ZNF385D: variants seen among roughly 807,000 people sequenced by gnomAD.
ZNF385D encodes zinc finger protein 385D, also known as zinc finger protein 659.
Under a neutral mutation model 35.8 loss-of-function variants are expected in ZNF385D, and 15 were observed. The ratio of observed to expected loss-of-function variants is 0.42; its 90% confidence interval spans 0.28 to 0.64. The LOEUF is 0.64. ZNF385D is among the 30% of genes least tolerant of loss of function. The pLI is 0.23. For synonymous variants in ZNF385D, 212 were observed against 186.8 expected (o/e 1.13, Z -1.10); for missense variants, 474 against 494.6 (o/e 0.96, Z 0.39).
chr3:21,868,909 C>G (rs1002085141), intron 3 of ZNF385D, among the ~76,000 whole-genome samples: 4 of 152,016 alleles, frequency 2.6e-5, no homozygotes, highest in Non-Finnish European at 5.9e-5. Flanking sequence ...CTGAATTAGA[C>G]CCTATTTTCA....
intron 2 of ZNF385D, among the ~76,000 whole-genome samples, chr3:22,366,135 T>G (rs1696646832): frequency 6.6e-6 from 1 of 152,110 alleles, no homozygotes; most frequent in South Asian, 2.1e-4. Context: ...AATTTGGCCC[T>G]TCCTGGCTGT....
chr3:21,924,775 T>C (rs1004455840), intron 3 of ZNF385D, among the ~76,000 whole-genome samples: 3 of 152,036 alleles, frequency 2.0e-5, no homozygotes, highest in East Asian at 1.9e-4. Flanking sequence ...TAGAGAGGCA[T>C]AGTAAGGAGC....
intron 2 of ZNF385D, among the ~76,000 whole-genome samples, chr3:22,192,579 G>C (rs1696132406): frequency 1.3e-5 from 2 of 152,158 alleles, no homozygotes; most frequent in African/African-American, 4.8e-5. Context: ...CAAGCCATGT[G>C]TGTGAACTAC....
At chr3:21,935,502 C>A (rs574896118) in intron 3 of ZNF385D, among the ~76,000 whole-genome samples, 1 of 152,144 alleles carries the variant, frequency 6.6e-6, no homozygotes, top group East Asian at 1.9e-4. Flanking sequence ...AAGTCACATG[C>A]TACAGCCTCA....
intron 3 of ZNF385D, chr3:21,511,556 C>G: frequency 2.6e-6 from 1 of 385,230 alleles, no homozygotes; most frequent in Non-Finnish European, 5.1e-6. Flanking sequence ...AGCAAATGCA[C>G]TTCTTAAGTT....
intron 3 of ZNF385D, among the ~76,000 whole-genome samples, chr3:22,136,883 C>T (rs779001147): frequency 6.6e-6 from 1 of 151,894 alleles, no homozygotes; most frequent in Non-Finnish European, 1.5e-5. Context: ...ACGGAAAAGG[C>T]AAAACTATGA....
intron 3 of ZNF385D, among the ~76,000 whole-genome samples, chr3:21,844,800 G>T (rs1021004071): frequency 1.3e-5 from 2 of 151,858 alleles, no homozygotes; most frequent in African/African-American, 4.8e-5. Context: ...GCAAAAAAAT[G>T]ATCAATTTTA....
At chr3:22,342,718 G>A (rs1695480618) in intron 2 of ZNF385D, among the ~76,000 whole-genome samples, 1 of 152,164 alleles carries the variant, frequency 6.6e-6, no homozygotes, top group Non-Finnish European at 1.5e-5. Flanking sequence ...TCCATGAATT[G>A]CTAGAACACC....
intron 3 of ZNF385D, among the ~76,000 whole-genome samples, chr3:22,113,615 C>T (rs928817669): frequency 2.0e-5 from 3 of 152,064 alleles, no homozygotes; most frequent in Admixed American, 6.6e-5. Context: ...CAATGAGCAG[C>T]ACAGCAACCG....
intron 2 of ZNF385D, among the ~76,000 whole-genome samples, chr3:22,219,421 G>A (rs73145067): frequency 0.022 from 3,388 of 152,186 alleles, 139 homozygotes; most frequent in African/African-American, 0.077. Context: ...GTTAATCACT[G>A]ATCATTGTGC....
At chr3:21,432,903 A>G (rs341852) in intron 5 of ZNF385D, among the ~76,000 whole-genome samples, 95,712 of 151,924 alleles carry the variant, frequency 0.63, 32,667 homozygotes, top group Non-Finnish European at 0.77. Flanking sequence ...GTGAAAAATC[A>G]AAGGGAAAGC....
At chr3:21,901,311 T>C (rs62236545) in intron 3 of ZNF385D, among the ~76,000 whole-genome samples, 31,105 of 152,166 alleles carry the variant, frequency 0.2, 3,246 homozygotes, top group Middle Eastern at 0.3. Flanking sequence ...GCCTAAACTT[T>C]GGTTTACAGT....
chr3:21,500,565 T>A (rs963092465), intron 4 of ZNF385D, among the ~76,000 whole-genome samples: 2 of 152,226 alleles, frequency 1.3e-5, no homozygotes, highest in African/African-American at 4.8e-5. Context: ...GCACACAACA[T>A]GTGCATTCTT....
At chr3:21,753,705 CT>C (rs1422225525), upstream of ZNF385D, among the ~76,000 whole-genome samples, 1 of 152,014 alleles carries the variant, frequency 6.6e-6, no homozygotes, top group Non-Finnish European at 1.5e-5. Flanking sequence ...ATACTTTTTC[CT>C]GTTTTACATA....
chr3:22,175,115 GAT>G (rs1694731775), intron 2 of ZNF385D, among the ~76,000 whole-genome samples: 1 of 151,672 alleles, frequency 6.6e-6, no homozygotes, highest in Non-Finnish European at 1.5e-5. Context: ...TAATTTGTAT[GAT>G]ATATACAAAT....
chr3:21,912,639 A>G (rs904424361), intron 3 of ZNF385D, among the ~76,000 whole-genome samples: 6 of 152,056 alleles, frequency 3.9e-5, no homozygotes, highest in African/African-American at 1.4e-4. Context: ...ATGCCACGTT[A>G]GGGGATTGTA....
At chr3:21,589,116 A>G (rs2063897057) in intron 2 of ZNF385D, among the ~76,000 whole-genome samples, 7 of 152,168 alleles carry the variant, frequency 4.6e-5, no homozygotes, top group Admixed American at 4.6e-4. Flanking sequence ...AAAATAAGGG[A>G]TGTGGTATTG....
chr3:21,991,464 T>C (rs1559827283), intron 3 of ZNF385D, among the ~76,000 whole-genome samples: 1 of 152,182 alleles, frequency 6.6e-6, no homozygotes, highest in Non-Finnish European at 1.5e-5. Flanking sequence ...ATGTGTGTAT[T>C]TGATAAAACT....
At chr3:21,775,728 ATAAT>A (rs1238102362) in intron 3 of ZNF385D, among the ~76,000 whole-genome samples, 5 of 151,912 alleles carry the variant, frequency 3.3e-5, no homozygotes, top group African/African-American at 9.7e-5. Context: ...ATGACAGGAA[ATAAT>A]TAATCATTTT....
Sources: allele counts gnomAD v4.1 joint callset (sites outside exome capture counted in the v4.1 genomes callset), GRCh38; gene constraint gnomAD v4.1.1; transcripts MANE v1.5; gene names NCBI Gene and HGNC (gene_info 2026-07-23, HGNC 2026-07-21).